Variants in HIPK3 observed in about 807,000 individuals in gnomAD.
HIPK3 encodes homeodomain-interacting protein kinase 3.
In HIPK3, 47 loss-of-function variants were observed where a neutral mutation model predicts 124.2. The observed-to-expected ratio is 0.38, with a 90% CI of 0.30 to 0.48. HIPK3 has a LOEUF of 0.48. Among genes scored for constraint, HIPK3 ranks in the 20% least tolerant of loss-of-function variants. The pLI is 0.98. For synonymous variants in HIPK3, 482 were observed against 515.2 expected (o/e 0.94, Z 0.87); for missense variants, 1,286 against 1,454.3 (o/e 0.88, Z 1.88).
At position 33,353,968 on chromosome 11, in the gene HIPK3, G is replaced by A. The variant is rs752377828; in HGVS notation, c.*400G>A. The A allele has an allele frequency of 1.1e-5, 2 of 179,224 alleles. No individual in the cohort carries two copies. The highest frequency in any genetic ancestry group is 1.1e-4 in the Admixed American group (2 of 17,822). The allele number at this position is 179,224 out of a possible 1,614,324, so 11.1% of individuals were successfully genotyped here. A position where few individuals can be genotyped will look rare whatever the true frequency, so the allele number is the denominator to read the frequency against. On this transcript the variant is annotated 3_prime_UTR_variant, in exon 17 of 17. Transcript: ENST00000303296. ...TGAATTGTATTATCCGTGTCTTAGT[G>A]TATAAATGTTGGGTCACTTACCTAA...
chr11:33,257,511 C>T lies in HIPK3; in HGVS notation c.-381C>T, dbSNP rs1003592733. 8 of 985,634 alleles carry T rather than the reference C, an allele frequency of 8.1e-6. No homozygotes were observed. The highest frequency in any genetic ancestry group is 5.2e-4 in the Middle Eastern group (1 of 1,936). The allele number at this position is 985,634 out of a possible 1,614,324, so 61.1% of individuals were successfully genotyped here. On this transcript the variant is annotated 5_prime_UTR_variant, in exon 1 of 17. Transcript: ENST00000303296. ...CCCGGCCGGGGCGTCAGGAATGGGC[C>T]CCAATCGCCGTGGGCCCCGCACCCT...
intron 2 of HIPK3, among the ~76,000 whole-genome samples, chr11:33,319,935 T>C (rs1852616665): frequency 6.6e-6 from 1 of 152,206 alleles, no homozygotes; most frequent in South Asian, 2.1e-4. Context: ...TTTACTCTTC[T>C]ATTTAAGATG....
At chr11:33,310,766 A>T (rs541476193) in intron 2 of HIPK3, among the ~76,000 whole-genome samples, 3 of 152,226 alleles carry the variant, frequency 2.0e-5, no homozygotes, top group Non-Finnish European at 4.4e-5. Context: ...ATACGGTAGG[A>T]CAGCGGTATG....
chr11:33,279,063 C>G (rs1272498211), intron 1 of HIPK3, among the ~76,000 whole-genome samples: 4 of 151,630 alleles, frequency 2.6e-5, no homozygotes, highest in Non-Finnish European at 5.9e-5. Context: ...GCTTGTAATC[C>G]CAACACTTGA....
rs1309915263 is a variant in HIPK3, at chr11:33,341,101, A to G, written c.1747A>G (p.Thr583Ala). ...SSTATLTANF[T>A]KIGTLRSQAL... ...TACTGCTACACTGACTGCAAATTTT[A>G]CTAAAATCGGAACATTAAGAAGTCA... The change falls in exon 7 of 17, where the codon ACT becomes GCT. Residue 583 changes from threonine (T) to alanine (A), a missense_variant. By Grantham distance (58) the Thr-to-Ala change is moderately conservative. Coordinates refer to ENST00000303296, the MANE Select transcript of HIPK3 (RefSeq NM_005734.5). 1.3e-6 allele frequency: 2 copies of G among 1,596,780 alleles called. No individual in the cohort carries two copies. Among genetic ancestry groups the G allele is most frequent in the Non-Finnish European group, 8.5e-7 (1 of 1,174,522 alleles).
chr11:33,352,519 C>T (rs1379402412), intron 16 of HIPK3, among the ~76,000 whole-genome samples: 1 of 152,140 alleles, frequency 6.6e-6, no homozygotes, highest in Admixed American at 6.5e-5. Context: ...TGTCTGTTAT[C>T]TCAGAACATC....
At chr11:33,319,773 T>C (rs1421062775) in intron 2 of HIPK3, among the ~76,000 whole-genome samples, 1 of 152,180 alleles carries the variant, frequency 6.6e-6, no homozygotes, top group Non-Finnish European at 1.5e-5. Flanking sequence ...ATTAAAAGAA[T>C]TAAAGTTCTT....
chr11:33,289,260 C>T (rs917311254), intron 2 of HIPK3, among the ~76,000 whole-genome samples: 19 of 151,794 alleles, frequency 1.3e-4, no homozygotes, highest in Admixed American at 1.2e-3. Flanking sequence ...GGCAACAGAG[C>T]GAGACCCTGC....
intron 2 of HIPK3, among the ~76,000 whole-genome samples, chr11:33,312,536 A>T (rs1040602286): frequency 6.6e-6 from 1 of 152,212 alleles, no homozygotes; most frequent in African/African-American, 2.4e-5. Context: ...TTAAGGAGTG[A>T]TTTAAGTTTG....
intron 2 of HIPK3, among the ~76,000 whole-genome samples, chr11:33,288,871 C>G (rs1473234453): frequency 6.6e-6 from 1 of 152,128 alleles, no homozygotes; most frequent in Admixed American, 6.5e-5. Context: ...CAGACAAATA[C>G]AGGATCTGCC....
At chr11:33,330,311 G>C (rs939860889) in intron 3 of HIPK3, among the ~76,000 whole-genome samples, 1 of 151,914 alleles carries the variant, frequency 6.6e-6, no homozygotes, top group African/African-American at 2.4e-5. Context: ...GTTCAGTGGG[G>C]TTTTTTTGTC....
At position 33,347,428 on chromosome 11, in the gene HIPK3, C is replaced by A; in HGVS notation, c.2019+14C>A. 6.2e-7 allele frequency: 1 copy of A among 1,612,680 alleles called. No homozygotes were observed. The highest frequency in any genetic ancestry group is 1.1e-5 in the South Asian group (1 of 90,464). ...GTTCTTTCTCAGGTTGGTAATAATT[C>A]ATTCTTTGCCATATATCAGCTTGTG... is the stretch of plus-strand genomic sequence containing the variant. On this transcript the variant is annotated intron_variant, in intron 9 of 16. Coordinates refer to ENST00000303296, the MANE Select transcript of HIPK3 (RefSeq NM_005734.5).
rs150884070 is a variant in HIPK3 at position 33,353,599 on chromosome 11, C to A, written c.*31C>A. On this transcript the variant is annotated 3_prime_UTR_variant, in exon 17 of 17. Coordinates refer to ENST00000303296, the MANE Select transcript of HIPK3 (RefSeq NM_005734.5). ...AGTATATTGGGGAAGCTCAATGATA[C>A]AAACATTTGATTAAAAATAAAAACA... 218 of 1,322,314 alleles carry A rather than the reference C, an allele frequency of 1.6e-4. No individual in the cohort carries two copies. The African/African-American group carries it at 2.9e-3, about 18-fold the overall frequency. 81.9% of individuals were successfully genotyped at this position (1,322,314 alleles called of 1,614,324 possible).
chr11:33,324,175 T>G (rs1301789617), intron 2 of HIPK3, among the ~76,000 whole-genome samples: 1 of 152,226 alleles, frequency 6.6e-6, no homozygotes, highest in African/African-American at 2.4e-5. Flanking sequence ...CCAATTAAGA[T>G]GAAACCAGTA....
At chr11:33,311,519 GTAGTTT>G (rs978909044) in intron 2 of HIPK3, among the ~76,000 whole-genome samples, 3 of 152,052 alleles carry the variant, frequency 2.0e-5, no homozygotes, top group African/African-American at 7.2e-5. Context: ...ATTTTGTAGA[GTAGTTT>G]TAGGTTCGCA....
At chr11:33,290,365 G>GA (rs946090823) in intron 2 of HIPK3, among the ~76,000 whole-genome samples, 7 of 151,452 alleles carry the variant, frequency 4.6e-5, no homozygotes, top group African/African-American at 9.7e-5. Flanking sequence ...TTTTTTTCTG[G>GA]AAAAAAATTG....
chr11:33,306,446 T>C (rs1180610783), intron 2 of HIPK3, among the ~76,000 whole-genome samples: 1 of 149,660 alleles, frequency 6.7e-6, no homozygotes, highest in Non-Finnish European at 1.5e-5. Flanking sequence ...TTATTAAAGA[T>C]TTTACTTGCT....
intron 3 of HIPK3, among the ~76,000 whole-genome samples, chr11:33,330,576 C>T (rs536931143): frequency 2.6e-5 from 4 of 152,288 alleles, no homozygotes; most frequent in African/African-American, 9.6e-5. Flanking sequence ...ATTTGCCTGC[C>T]TCAGCCTCCC....
At position 33,354,490 on chromosome 11, in the gene HIPK3, T is replaced by TA. The variant is rs1853762351; in HGVS notation, c.*924dup. 1 of 152,618 alleles carries TA rather than the reference T, an allele frequency of 6.6e-6. No homozygotes were observed. Among genetic ancestry groups the TA allele is most frequent in the Non-Finnish European group, 1.5e-5 (1 of 68,016 alleles). The allele number at this position is 152,618 out of a possible 1,614,324, so 9.5% of individuals were successfully genotyped here. On this transcript the variant is annotated 3_prime_UTR_variant, in exon 17 of 17. Transcript: ENST00000303296. ...GTTTATTTTGAGAGTGTTTGCTGTATAATTGGACTTAATAAAATGTTTAGA... is the reference window on the plus strand; with the variant it reads ...GTTTATTTTGAGAGTGTTTGCTGTATAAATTGGACTTAATAAAATGTTTAGA...
Sources: allele counts gnomAD v4.1 joint callset (sites outside exome capture counted in the v4.1 genomes callset), GRCh38; gene constraint gnomAD v4.1.1; transcripts MANE v1.5; gene names NCBI Gene and HGNC (gene_info 2026-07-23, HGNC 2026-07-21).